HCRTR2: variants seen among roughly 807,000 people sequenced by gnomAD.
HCRTR2 encodes the protein orexin receptor type 2.
A neutral mutation model predicts 49.0 loss-of-function variants in HCRTR2; 22 were observed. That is an observed-to-expected ratio of 0.45 (90% CI 0.32 to 0.64). HCRTR2 has a LOEUF of 0.64. Among genes scored for constraint, HCRTR2 ranks in the 30% least tolerant of loss-of-function variants. HCRTR2 has a pLI of 0.04. For synonymous variants in HCRTR2, 236 were observed against 205.3 expected (o/e 1.15, Z -1.28); for missense variants, 491 against 559.4 (o/e 0.88, Z 1.23).
At position 55,193,981 on chromosome 6, in the gene HCRTR2, A is replaced by AT. The variant is rs373249987; in HGVS notation, c.223+19180dup. The stretch of plus-strand genomic sequence containing the variant: ...TCTGTCTCTTTAACACTGAATAAAG[A>AT]TTTTTTTTTCTCTAACAGACTTAAA... On this transcript the variant is annotated intron_variant, in intron 1 of 6. Coordinates refer to ENST00000370862, the MANE Select transcript of HCRTR2 (RefSeq NM_001384272.1). Among the ~76,000 whole-genome samples, 512 of 151,694 alleles carry AT rather than the reference A, an allele frequency of 3.4e-3. 1 individual carries two copies. Among genetic ancestry groups the AT allele is most frequent in the African/African-American group, 0.011 (468 of 41,388 alleles).
chr6:55,240,214 C>T (rs948663934), intron 1 of HCRTR2, among the ~76,000 whole-genome samples: 4 of 151,626 alleles, frequency 2.6e-5, no homozygotes, highest in Admixed American at 2.6e-4. Context: ...AAAAATTAGC[C>T]AGGCGCGGTG....
intron 1 of HCRTR2, chr6:55,240,715 G>A: frequency 2.8e-6 from 1 of 360,272 alleles, no homozygotes; most frequent in South Asian, 2.1e-5. Context: ...ACCTTTTTAA[G>A]ATAATACTCC....
At chr6:55,267,428 T>C (rs1031521771) in intron 4 of HCRTR2, among the ~76,000 whole-genome samples, 1 of 147,870 alleles carries the variant, frequency 6.8e-6, no homozygotes, top group African/African-American at 2.6e-5. Context: ...TTTTGGCAAT[T>C]CGACTCAGAG....
intron 5 of HCRTR2, 28 bp from the exon 6 acceptor site, chr6:55,280,295 C>A: frequency 7.1e-7 from 1 of 1,404,800 alleles, no homozygotes; most frequent in Non-Finnish European, 1.0e-6. Flanking sequence ...ATTTAAAAGA[C>A]ACTTTTCTGT....
At chr6:55,131,661 T>C (rs981739177) in intron 1 of HCRTR2, among the ~76,000 whole-genome samples, 3 of 151,862 alleles carry the variant, frequency 2.0e-5, no homozygotes, top group Admixed American at 6.6e-5. Context: ...AAATAGTCCT[T>C]GTACAAAATT....
intron 1 of HCRTR2, among the ~76,000 whole-genome samples, chr6:55,244,248 A>T (rs1006839616): frequency 6.6e-6 from 1 of 152,048 alleles, no homozygotes; most frequent in Non-Finnish European, 1.5e-5. Context: ...ACAACAAGAC[A>T]TTGTGCTTGT....
intron 1 of HCRTR2, among the ~76,000 whole-genome samples, chr6:55,168,404 G>C: frequency 6.6e-6 from 1 of 151,978 alleles, no homozygotes; most frequent in East Asian, 1.9e-4. Flanking sequence ...AAAACATTTT[G>C]GTTCTCTACT....
At chr6:55,119,931 T>A (rs958949206) in intron 1 of HCRTR2, among the ~76,000 whole-genome samples, 1 of 152,164 alleles carries the variant, frequency 6.6e-6, no homozygotes, top group African/African-American at 2.4e-5. Context: ...TTAATCCATC[T>A]TGAGTTGATT....
At chr6:55,231,709 A>G (rs1766118176) in intron 1 of HCRTR2, among the ~76,000 whole-genome samples, 1 of 152,206 alleles carries the variant, frequency 6.6e-6, no homozygotes, top group Admixed American at 6.5e-5. Flanking sequence ...AGGCTTGCAG[A>G]CTTGTGAGGT....
chr6:55,253,524 G>A (rs1473782070), intron 2 of HCRTR2, among the ~76,000 whole-genome samples: 3 of 152,048 alleles, frequency 2.0e-5, no homozygotes, highest in Non-Finnish European at 2.9e-5. Flanking sequence ...CTTCAATTAA[G>A]GCTCACCACT....
At chr6:55,177,716 T>A (rs1765065164) in intron 1 of HCRTR2, among the ~76,000 whole-genome samples, 1 of 152,152 alleles carries the variant, frequency 6.6e-6, no homozygotes, top group African/African-American at 2.4e-5. Flanking sequence ...TGTAATAGGA[T>A]ATGCTGTGGG....
chr6:55,241,101 C>A (rs1419582777), intron 1 of HCRTR2, among the ~76,000 whole-genome samples: 1 of 150,652 alleles, frequency 6.6e-6, no homozygotes, highest in Non-Finnish European at 1.5e-5. Flanking sequence ...TTATGTATAT[C>A]TCCCAATGCT....
At chr6:55,121,889 C>T (rs1408847841) in intron 1 of HCRTR2, among the ~76,000 whole-genome samples, 5 of 151,906 alleles carry the variant, frequency 3.3e-5, no homozygotes, top group African/African-American at 7.3e-5. Context: ...ATTTTTGCAT[C>T]GATGTTCGTC....
At chr6:55,259,057 G>C (rs1288595412) in intron 3 of HCRTR2, among the ~76,000 whole-genome samples, 1 of 152,040 alleles carries the variant, frequency 6.6e-6, no homozygotes, top group Non-Finnish European at 1.5e-5. Flanking sequence ...TCTTCAAAAA[G>C]AGAGAAAATA....
chr6:55,260,558 A>G (rs952615325), intron 3 of HCRTR2, among the ~76,000 whole-genome samples: 7 of 152,176 alleles, frequency 4.6e-5, no homozygotes, highest in Admixed American at 1.3e-4. Flanking sequence ...AGTAGCTAAA[A>G]ATGACACCTC....
intron 4 of HCRTR2, 125 bp downstream of exon 4, chr6:55,263,947 G>A: frequency 1.4e-6 from 1 of 697,804 alleles, no homozygotes; most frequent in Non-Finnish European, 2.6e-6. Context: ...ATTTAAGAAT[G>A]CATTGAACCA....
intron 1 of HCRTR2, among the ~76,000 whole-genome samples, chr6:55,241,958 T>C (rs1341269401): frequency 7.2e-6 from 1 of 139,336 alleles, no homozygotes; most frequent in East Asian, 2.2e-4. Context: ...AGCCTCCACC[T>C]CCCGGGTTCA....
chr6:55,139,016 TG>T (rs1406651629), intron 1 of HCRTR2, among the ~76,000 whole-genome samples: 1 of 152,004 alleles, frequency 6.6e-6, no homozygotes, highest in African/African-American at 2.4e-5. Context: ...CAAACAAAAT[TG>T]GAAGTGTAAA....
At chr6:55,160,475 C>T (rs1331875298) in intron 1 of HCRTR2, among the ~76,000 whole-genome samples, 2 of 152,164 alleles carry the variant, frequency 1.3e-5, no homozygotes, top group African/African-American at 4.8e-5. Flanking sequence ...GGATCAAATT[C>T]ACACATAACG....
Sources: gnomAD v4.1 joint callset for allele counts (sites outside exome capture counted in the v4.1 genomes callset) on GRCh38, gnomAD v4.1.1 for gene constraint, MANE v1.5 for transcripts, NCBI Gene and HGNC (gene_info 2026-07-23, HGNC 2026-07-21) for gene names.